Variants in HIP1 observed in about 807,000 individuals in gnomAD.
HIP1 encodes the protein huntingtin interacting protein 1.
In HIP1, 65 loss-of-function variants were observed where a neutral mutation model predicts 147.6. The observed-to-expected ratio is 0.44, with a 90% CI of 0.36 to 0.54. HIP1 has a LOEUF of 0.54. Among genes scored for constraint, HIP1 ranks in the 20% least tolerant of loss-of-function variants. The pLI is 0.00. For synonymous variants in HIP1, 479 were observed against 504.0 expected (o/e 0.95, Z 0.67); for missense variants, 1,061 against 1,299.6 (o/e 0.82, Z 2.82).
intron 7 of HIP1, among the ~76,000 whole-genome samples, chr7:75,574,589 CA>C (rs67839568): frequency 0.2 from 21,580 of 108,528 alleles, 1,688 homozygotes; most frequent in Middle Eastern, 0.33. Context: ...GACACCATCT[CA>C]AAAAAAAAAA....
At chr7:75,556,250 C>G in intron 17 of HIP1, 81 bp from the exon 18 acceptor site, 1 of 1,512,578 alleles carries the variant, frequency 6.6e-7, no homozygotes, top group South Asian at 1.2e-5. Flanking sequence ...AACCCACCAC[C>G]GGGTTGCAAG....
chr7:75,562,941 A>G lies in HIP1; in HGVS notation c.1014T>C (p.Ser338=). 6.2e-7 allele frequency: 1 copy of G among 1,614,168 alleles called. No homozygotes were observed. The highest frequency in any genetic ancestry group is 8.5e-7 in the Non-Finnish European group (1 of 1,180,032). The part of the protein sequence containing the change: ...EKDDLMDMDA[S]QQNLFDNKFD... ...TCTCCCAAGTGGTCCTCACCTGCTG[A>G]GAGGCATCCATGTCCATGAGGTCAT... The change falls in exon 11 of 31, where the codon TCT becomes TCC. Residue 338 remains serine (S), a synonymous_variant. Coordinates refer to ENST00000336926, the MANE Select transcript of HIP1 (RefSeq NM_005338.7).
intron 1 of HIP1, among the ~76,000 whole-genome samples, chr7:75,711,441 A>G (rs1801162441): frequency 6.6e-6 from 1 of 152,210 alleles, no homozygotes; most frequent in Non-Finnish European, 1.5e-5. Context: ...ACAGACATAC[A>G]AAGTTTAAGA....
intron 1 of HIP1, among the ~76,000 whole-genome samples, chr7:75,635,776 A>G (rs1472386232): frequency 2.0e-5 from 3 of 151,946 alleles, no homozygotes; most frequent in African/African-American, 7.3e-5. Context: ...TAATCCCAGC[A>G]GTTTGGGAGG....
chr7:75,681,572 C>A lies in HIP1; in HGVS notation c.120+57229G>T, dbSNP rs531640885. On this transcript the variant is annotated intron_variant, in intron 1 of 30. Transcript: ENST00000336926. ...TCCAGGCTAAAGTACAGTGGCACGA[C>A]CACAGCTCACTGCAGCCTCGACATC... 1.4e-4 allele frequency among the ~76,000 whole-genome samples: 21 copies of A among 147,580 alleles called. No individual in the cohort carries two copies. In the East Asian group the frequency reaches 3.1e-3, roughly 22 times the overall value.
At chr7:75,680,374 T>G (rs1800023534) in intron 1 of HIP1, among the ~76,000 whole-genome samples, 1 of 151,900 alleles carries the variant, frequency 6.6e-6, no homozygotes. Flanking sequence ...CTCCACCCAT[T>G]TCTCTCTGCC....
chr7:75,664,585 T>TACACATAC (rs1799498827), intron 1 of HIP1, among the ~76,000 whole-genome samples: 1 of 145,814 alleles, frequency 6.9e-6, no homozygotes, highest in African/African-American at 2.5e-5. Flanking sequence ...CATACATATA[T>TACACATAC]ATATGTATAG....
intron 1 of HIP1, among the ~76,000 whole-genome samples, chr7:75,678,419 C>T (rs775401488): frequency 4.0e-5 from 6 of 149,554 alleles, no homozygotes; most frequent in Non-Finnish European, 8.9e-5. Flanking sequence ...TCTCAGCTCA[C>T]TGCAACCTCC....
intron 1 of HIP1, among the ~76,000 whole-genome samples, chr7:75,650,199 T>C (rs1798926748): frequency 6.6e-6 from 1 of 152,034 alleles, no homozygotes; most frequent in South Asian, 2.1e-4. Flanking sequence ...CAGAGGGCCT[T>C]TTAGAGGCAC....
chr7:75,729,306 A>C (rs1237568063), intron 1 of HIP1, among the ~76,000 whole-genome samples: 1 of 29,728 alleles, frequency 3.4e-5, no homozygotes, highest in African/African-American at 1.7e-4. Context: ...TTGTCTCTGC[A>C]AAAAAAAAAA....
At chr7:75,622,630 GC>G (rs1192072594) in intron 1 of HIP1, among the ~76,000 whole-genome samples, 1 of 152,114 alleles carries the variant, frequency 6.6e-6, no homozygotes, top group African/African-American at 2.4e-5. Flanking sequence ...AAAAGAAACA[GC>G]CTGTGAGGTT....
rs35202804 is a variant in HIP1 at position 75,729,305 on chromosome 7, CAAAAA to C, written c.120+9491_120+9495del. Among the ~76,000 whole-genome samples the C allele has an allele frequency of 1.4e-4, 7 of 49,208 alleles. No individual in the cohort carries two copies. In the East Asian group the frequency reaches 3.8e-3, roughly 27 times the overall value. 32.3% of individuals were successfully genotyped at this position (49,208 alleles called of 152,430 possible). ...GCAACGTAGTGAGATCTTGTCTCTG[CAAAAA>C]AAAAAAAAAAAAAAAAAAAAAAATT... On this transcript the variant is annotated intron_variant, in intron 1 of 30. Transcript: ENST00000336926.
At chr7:75,539,272 C>G (rs782324245) in intron 30 of HIP1, 51 bp downstream of exon 30, 25 of 1,373,718 alleles carry the variant, frequency 1.8e-5, no homozygotes, top group South Asian at 1.4e-4. Context: ...CCTGGCCACA[C>G]AGCTTCCCCT....
At chr7:75,606,209 AT>A (rs1269638581) in intron 1 of HIP1, among the ~76,000 whole-genome samples, 1 of 152,184 alleles carries the variant, frequency 6.6e-6, no homozygotes, top group African/African-American at 2.4e-5. Context: ...AGATGTGAGA[AT>A]GGAAATGACC....
intron 2 of HIP1, among the ~76,000 whole-genome samples, chr7:75,595,074 G>C (rs1301421271): frequency 2.6e-5 from 4 of 152,104 alleles, no homozygotes; most frequent in Non-Finnish European, 5.9e-5. Context: ...TTTTGCTTCT[G>C]AACTGGAAGA....
intron 1 of HIP1, among the ~76,000 whole-genome samples, chr7:75,643,244 AT>A (rs1373692762): frequency 1.3e-5 from 2 of 152,234 alleles, no homozygotes; most frequent in Non-Finnish European, 2.9e-5. Flanking sequence ...TAAGTAACAT[AT>A]GTTACTATGC....
intron 5 of HIP1, among the ~76,000 whole-genome samples, chr7:75,583,109 C>A (rs1796119262): frequency 6.6e-6 from 1 of 152,134 alleles, no homozygotes; most frequent in African/African-American, 2.4e-5. Context: ...TCAAGTCCAC[C>A]CACTACTCAC....
intron 1 of HIP1, among the ~76,000 whole-genome samples, chr7:75,721,076 C>A (rs1038534689): frequency 2.0e-5 from 3 of 147,872 alleles, no homozygotes; most frequent in Non-Finnish European, 4.5e-5. Context: ...TATAAAAAAT[C>A]AAAAAATTAG....
At chr7:75,574,734 G>A (rs782817575) in intron 7 of HIP1, among the ~76,000 whole-genome samples, 1 of 152,190 alleles carries the variant, frequency 6.6e-6, no homozygotes, top group Non-Finnish European at 1.5e-5. Context: ...TCATGACTGG[G>A]TGAACTAAGC....
Sources: allele counts gnomAD v4.1 joint callset (sites outside exome capture counted in the v4.1 genomes callset), GRCh38; gene constraint gnomAD v4.1.1; transcripts MANE v1.5; gene names NCBI Gene and HGNC (gene_info 2026-07-23, HGNC 2026-07-21).